The following SLC9A9 variants were observed in gnomAD, a reference collection of about 807,000 sequenced individuals.
SLC9A9 encodes sodium/hydrogen exchanger 9.
A neutral mutation model predicts 77.8 loss-of-function variants in SLC9A9; 62 were observed. The observed-to-expected ratio is 0.80, with a 90% confidence interval of 0.65 to 0.98. SLC9A9 has a LOEUF of 0.98. SLC9A9 is among the 50% of genes least tolerant of loss of function. The pLI is 0.00. For synonymous variants in SLC9A9, 320 were observed against 283.5 expected, an observed-to-expected ratio of 1.13 and a Z score of -1.29; for missense variants, 775 against 774.9, an observed-to-expected ratio of 1.00 and a Z score of 0.00.
At chr3:143,612,051 G>T (rs1559992946) in intron 6 of SLC9A9, among the ~76,000 whole-genome samples, 1 of 152,156 alleles carries the variant, frequency 6.6e-6, no homozygotes, top group Non-Finnish European at 1.5e-5. Flanking sequence ...AAAGCCTTGG[G>T]TCAGTCATCA....
At chr3:143,413,517 G>A (rs188922669) in intron 12 of SLC9A9, among the ~76,000 whole-genome samples, 1 of 152,212 alleles carries the variant, frequency 6.6e-6, no homozygotes, top group East Asian at 1.9e-4. Context: ...GTACAAGAGT[G>A]GTCCTGTGGG....
At chr3:143,800,508 A>C (rs2008521676) in intron 2 of SLC9A9, among the ~76,000 whole-genome samples, 1 of 152,060 alleles carries the variant, frequency 6.6e-6, no homozygotes, top group Non-Finnish European at 1.5e-5. Context: ...ACCTTCCTCC[A>C]CAACTCACTG....
At chr3:143,390,686 A>T (rs2108504586) in intron 12 of SLC9A9, among the ~76,000 whole-genome samples, 1 of 152,320 alleles carries the variant, frequency 6.6e-6, no homozygotes, top group East Asian at 1.9e-4. Context: ...GGGGTCAGAG[A>T]ATTCCATTTC....
intron 2 of SLC9A9, among the ~76,000 whole-genome samples, chr3:143,811,454 A>C (rs539151866): frequency 6.6e-6 from 1 of 152,316 alleles, no homozygotes; most frequent in Non-Finnish European, 1.5e-5. Context: ...TATTCGTACT[A>C]TGGGCATGAA....
intron 6 of SLC9A9, among the ~76,000 whole-genome samples, chr3:143,594,160 A>G (rs1210901164): frequency 1.3e-5 from 2 of 152,260 alleles, no homozygotes; most frequent in Non-Finnish European, 2.9e-5. Context: ...TTTGCAAACC[A>G]TAATACAGTA....
intron 6 of SLC9A9, among the ~76,000 whole-genome samples, chr3:143,619,514 CA>C (rs2038162354): frequency 6.6e-6 from 1 of 152,180 alleles, no homozygotes; most frequent in African/African-American, 2.4e-5. Context: ...AAAATCTTTA[CA>C]GAAGCTTTTA....
At chr3:143,813,479 A>G (rs2008922981) in intron 2 of SLC9A9, among the ~76,000 whole-genome samples, 1 of 152,182 alleles carries the variant, frequency 6.6e-6, no homozygotes, top group African/African-American at 2.4e-5. Context: ...TGTACCTCTC[A>G]GCCTCCTCCT....
intron 14 of SLC9A9, among the ~76,000 whole-genome samples, chr3:143,319,556 A>G (rs1018954395): frequency 2.0e-5 from 3 of 152,188 alleles, no homozygotes; most frequent in South Asian, 2.1e-4. Context: ...CCGCGTTTTC[A>G]TCTGTCAGAA....
chr3:143,519,168 A>T (rs1559950207), intron 9 of SLC9A9, among the ~76,000 whole-genome samples: 1 of 152,208 alleles, frequency 6.6e-6, no homozygotes. Context: ...TAACTTAAAC[A>T]TCTAGTATAT....
intron 5 of SLC9A9, among the ~76,000 whole-genome samples, chr3:143,664,921 A>G (rs1484477898): frequency 6.6e-6 from 1 of 152,254 alleles, no homozygotes; most frequent in East Asian, 1.9e-4. Flanking sequence ...CATTAGACAG[A>G]TGAACAAGAC....
At chr3:143,597,787 G>A (rs993365737) in intron 6 of SLC9A9, among the ~76,000 whole-genome samples, 1 of 152,206 alleles carries the variant, frequency 6.6e-6, no homozygotes, top group Non-Finnish European at 1.5e-5. Flanking sequence ...GGAGCCAAGT[G>A]GTTCCTATAG....
intron 12 of SLC9A9, among the ~76,000 whole-genome samples, chr3:143,391,749 T>A (rs949991126): frequency 2.6e-4 from 40 of 152,168 alleles, no homozygotes; most frequent in South Asian, 6.2e-4. Flanking sequence ...TGTAGAGAAG[T>A]CCTTAAATGA....
chr3:143,617,338 C>T (rs952337500), intron 6 of SLC9A9, among the ~76,000 whole-genome samples: 1 of 152,170 alleles, frequency 6.6e-6, no homozygotes, highest in Non-Finnish European at 1.5e-5. Flanking sequence ...CAACTAGTGT[C>T]AAGTAATTGC....
chr3:143,635,938 A>G (rs963836930), intron 6 of SLC9A9, among the ~76,000 whole-genome samples: 2 of 151,824 alleles, frequency 1.3e-5, no homozygotes, highest in Non-Finnish European at 2.9e-5. Context: ...TCTATTTTTC[A>G]GTGTTTTTCT....
chr3:143,577,835 C>T (rs578175883), intron 7 of SLC9A9, among the ~76,000 whole-genome samples: 2 of 152,246 alleles, frequency 1.3e-5, no homozygotes, highest in Non-Finnish European at 2.9e-5. Context: ...TCTGTTCTAC[C>T]TCTCTTCTGT....
chr3:143,267,450 A>G (rs1294646980), intron 15 of SLC9A9, among the ~76,000 whole-genome samples: 1 of 148,992 alleles, frequency 6.7e-6, no homozygotes, highest in Non-Finnish European at 1.5e-5. Flanking sequence ...CTGGGGTTCA[A>G]GTGATTCCCC....
intron 14 of SLC9A9, among the ~76,000 whole-genome samples, chr3:143,304,282 AG>A (rs2030675944): frequency 6.6e-6 from 1 of 152,236 alleles, no homozygotes; most frequent in Non-Finnish European, 1.5e-5. Flanking sequence ...AGGTGAAAAG[AG>A]CCATTAAAAT....
At chr3:143,280,021 A>C (rs571049697) in intron 14 of SLC9A9, among the ~76,000 whole-genome samples, 1 of 152,212 alleles carries the variant, frequency 6.6e-6, no homozygotes, top group South Asian at 2.1e-4. Flanking sequence ...GGGTTTTGTC[A>C]TGTTGCCCAG....
At chr3:143,289,664 A>T (rs974970390) in intron 14 of SLC9A9, among the ~76,000 whole-genome samples, 2 of 151,964 alleles carry the variant, frequency 1.3e-5, no homozygotes, top group Non-Finnish European at 2.9e-5. Flanking sequence ...TCCCCTATCC[A>T]TCTACCCATC....
Sources: allele counts gnomAD v4.1 joint callset (sites outside exome capture counted in the v4.1 genomes callset), GRCh38; gene constraint gnomAD v4.1.1; transcripts MANE v1.5; gene names NCBI Gene and HGNC (gene_info 2026-07-23, HGNC 2026-07-21).